Variants in JPT2 observed in about 807,000 individuals in gnomAD.
The protein encoded by JPT2 is CRAMP_1 like.
In JPT2, 9 loss-of-function variants were observed where a neutral mutation model predicts 15.9. The observed-to-expected ratio is 0.57, with a 90% CI of 0.34 to 0.99. The LOEUF is 0.99. JPT2 is among the 50% of genes least tolerant of loss of function. JPT2 has a pLI of 0.02. For missense variants in JPT2, 267 were observed against 252.1 expected, an observed-to-expected ratio of 1.06 and a Z score of -0.40; for synonymous variants, 95 against 91.7, an observed-to-expected ratio of 1.04 and a Z score of -0.21.
rs1409608913 is a variant in JPT2, at chr16:1,702,041, G to A, written c.*3043G>A. 4.6e-6 allele frequency: 2 copies of A among 438,320 alleles called. No homozygotes were observed. Among genetic ancestry groups the A allele is most frequent in the African/African-American group, 4.0e-5 (2 of 49,656 alleles). 27.2% of individuals were successfully genotyped at this position (438,320 alleles called of 1,614,324 possible). A position where few individuals can be genotyped will look rare whatever the true frequency, so the allele number is the denominator to read the frequency against. ...AGCCTGGACCACAGAGCAAGACCCT[G>A]TGTAAAAAAATAAAATAAAAAACAG... On this transcript the variant is annotated 3_prime_UTR_variant, in exon 5 of 5. Transcript: ENST00000248098.
In JPT2 at chr16:1,681,203, T is replaced by A. The variant is rs374013552; in HGVS notation, c.44+2847T>A. The stretch of plus-strand genomic sequence containing the variant: ...ACACTGCGCCATTGTTGTCGGGCTG[T>A]TTTTGTTGAAAGGTCTATTGAACGC... On this transcript the variant is annotated intron_variant, in intron 1 of 4. Transcript: ENST00000248098. Among the ~76,000 whole-genome samples, 27 of 152,266 alleles carry A rather than the reference T, an allele frequency of 1.8e-4. No homozygotes were observed. In the Middle Eastern group the frequency reaches 0.01, roughly 58 times the overall value.
chr16:1,691,380 A>C (rs1489747432), intron 2 of JPT2, among the ~76,000 whole-genome samples: 1 of 152,238 alleles, frequency 6.6e-6, no homozygotes, highest in Non-Finnish European at 1.5e-5. Flanking sequence ...TGACTAATAA[A>C]TATTTTCAGG....
chr16:1,690,823 A>G (rs1567470677), intron 2 of JPT2, among the ~76,000 whole-genome samples: 1 of 152,230 alleles, frequency 6.6e-6, no homozygotes, highest in Non-Finnish European at 1.5e-5. Context: ...ATTGCATAGA[A>G]AATAGAGTTG....
At chr16:1,679,957 G>T (rs1450236886) in intron 1 of JPT2, among the ~76,000 whole-genome samples, 1 of 152,000 alleles carries the variant, frequency 6.6e-6, no homozygotes, top group African/African-American at 2.4e-5. Flanking sequence ...TCCTTGAGAG[G>T]CTGAGGCAGG....
At chr16:1,680,247 A>T in intron 1 of JPT2, 1 of 790,630 alleles carries the variant, frequency 1.3e-6, no homozygotes, top group Non-Finnish European at 1.5e-6. Flanking sequence ...GTGTGCATTT[A>T]GTACGTTTCC....
chr16:1,685,169 A>G (rs1392048148), intron 1 of JPT2, among the ~76,000 whole-genome samples: 2 of 151,780 alleles, frequency 1.3e-5, no homozygotes, highest in Non-Finnish European at 2.9e-5. Context: ...TCTACCAAAA[A>G]TACAAAAAAT....
rs560640801 is a variant in JPT2 at position 1,701,023 on chromosome 16, T to G, written c.*2025T>G. 6.6e-6 allele frequency: 1 copy of G among 152,360 alleles called. No homozygotes were observed. Among genetic ancestry groups the G allele is most frequent in the African/African-American group, 2.4e-5 (1 of 41,564 alleles). 9.4% of individuals were successfully genotyped at this position (152,360 alleles called of 1,614,324 possible). On this transcript the variant is annotated 3_prime_UTR_variant, in exon 5 of 5. Coordinates refer to ENST00000248098, the MANE Select transcript of JPT2 (RefSeq NM_144570.3). ...TTACTCTTCTTGCATCTGTCCTGCCTTCTTTCCCTCTGCGAGGCAGTGGGG... is the reference window on the plus strand; with the variant it reads ...TTACTCTTCTTGCATCTGTCCTGCCGTCTTTCCCTCTGCGAGGCAGTGGGG...
intron 3 of JPT2, 114 bp from the exon 4 acceptor site, chr16:1,697,698 T>C: frequency 1.1e-6 from 1 of 914,996 alleles, no homozygotes; most frequent in South Asian, 1.5e-5. Context: ...TGAGGTCAGA[T>C]ATACAAGCAT....
At chr16:1,690,148 G>A (rs1160092665) in intron 2 of JPT2, 2 of 152,170 alleles carry the variant, frequency 1.3e-5, no homozygotes, top group African/African-American at 4.8e-5. Context: ...GTCCCAGAAA[G>A]CCACCCTGCT....
intron 1 of JPT2, among the ~76,000 whole-genome samples, chr16:1,682,672 CAA>C (rs531013322): frequency 3.3e-3 from 377 of 115,372 alleles, no homozygotes; most frequent in African/African-American, 0.012. Flanking sequence ...GATTTCGTCT[CAA>C]AAAAAAAAAA....
rs1042327388 is a variant in JPT2 at position 1,698,217 on chromosome 16, G to A, written c.385+357G>A. Among the ~76,000 whole-genome samples, 2 of 152,212 alleles carry A rather than the reference G, an allele frequency of 1.3e-5. No homozygotes were observed. Among genetic ancestry groups the A allele is most frequent in the Admixed American group, 1.3e-4 (2 of 15,288 alleles). ...GGGGCACAAGAGAGGGATGGAGGATGGGGAGGCGGGTGTCTCCATGGTGAG... is the reference window on the plus strand; with the variant it reads ...GGGGCACAAGAGAGGGATGGAGGATAGGGAGGCGGGTGTCTCCATGGTGAG... On this transcript the variant is annotated intron_variant, in intron 4 of 4. Transcript: ENST00000248098. The surrounding 1 kb of genome is among the most constrained non-coding windows in gnomAD (Gnocchi z 4.9).
chr16:1,678,333 C>G lies in JPT2; in HGVS notation c.21C>G (p.Ser7Arg), dbSNP rs759653499. 11 of 1,234,210 alleles carry G rather than the reference C, an allele frequency of 8.9e-6. No homozygotes were observed. Among genetic ancestry groups the G allele is most frequent in the Non-Finnish European group, 1.1e-5 (11 of 986,510 alleles). The allele number at this position is 1,234,210 out of a possible 1,614,324, so 76.5% of individuals were successfully genotyped here. MFQVPD[S>R]EGGRAGSRAM... The stretch of plus-strand genomic sequence containing the variant: ...TCGACATGTTCCAGGTCCCGGATAG[C>G]GAGGGCGGCCGCGCCGGCTCCAGGT... The change falls in exon 1 of 5, where the codon AGC becomes AGG. Residue 7 changes from serine to arginine, a missense_variant. By Grantham distance (110) the Ser-to-Arg change is moderately radical. Coordinates refer to ENST00000248098, the MANE Select transcript of JPT2 (RefSeq NM_144570.3).
intron 1 of JPT2, chr16:1,683,424 T>G (rs2037040213): frequency 1.1e-6 from 1 of 888,664 alleles, no homozygotes; most frequent in Non-Finnish European, 1.7e-6. Flanking sequence ...CCTTTCTCAT[T>G]TAAGCTTGGT....
At chr16:1,696,793 T>C (rs11863003) in intron 3 of JPT2, among the ~76,000 whole-genome samples, 21,473 of 152,138 alleles carry the variant, frequency 0.14, 2,386 homozygotes, top group African/African-American at 0.31. Context: ...TGCATGCCTG[T>C]TCGGATGGTG....
At chr16:1,680,639 G>A in intron 1 of JPT2, 1 of 376,750 alleles carries the variant, frequency 2.7e-6, no homozygotes, top group Non-Finnish European at 3.8e-6. Context: ...GTGGCTGTAA[G>A]ATTACCTAGC....
intron 1 of JPT2, among the ~76,000 whole-genome samples, chr16:1,681,792 A>T (rs199791515): frequency 6.6e-6 from 1 of 152,170 alleles, no homozygotes; most frequent in African/African-American, 2.4e-5. Context: ...GGCAGAGGAG[A>T]CAGGAGACTG....
Position 1,700,143 on chromosome 16 carries a change from A to G in JPT2, c.*1145A>G, listed in dbSNP as rs946123746. ...TGGAGGCCACCCTCTACAAAGCTTT[A>G]TAGAACTTCTGGATCTAACTCACAA... is the stretch of plus-strand genomic sequence containing the variant. On this transcript the variant is annotated 3_prime_UTR_variant, in exon 5 of 5. Coordinates refer to ENST00000248098, the MANE Select transcript of JPT2 (RefSeq NM_144570.3). The G allele has an allele frequency of 1.8e-5, 8 of 455,980 alleles. No homozygotes were observed. The highest frequency in any genetic ancestry group is 1.4e-4 in the Admixed American group (6 of 42,560). 28.2% of individuals were successfully genotyped at this position (455,980 alleles called of 1,614,324 possible).
At chr16:1,683,869 T>G (rs1416585951) in intron 1 of JPT2, among the ~76,000 whole-genome samples, 1 of 152,170 alleles carries the variant, frequency 6.6e-6, no homozygotes, top group Non-Finnish European at 1.5e-5. Context: ...GCCCTGTAAT[T>G]TCAAGTATGG....
chr16:1,699,198 G>T lies in JPT2; in HGVS notation c.*200G>T, dbSNP rs767281400. ...GATGGCTGGGAGATGCCTCTGTGGGGATGAAATGGGGCACCCCTGGCCATC... is the reference window on the plus strand; with the variant it reads ...GATGGCTGGGAGATGCCTCTGTGGGTATGAAATGGGGCACCCCTGGCCATC... On this transcript the variant is annotated 3_prime_UTR_variant, in exon 5 of 5. Transcript: ENST00000248098. 3.0e-6 allele frequency: 2 copies of T among 657,468 alleles called. No homozygotes were observed. Among genetic ancestry groups the T allele is most frequent in the South Asian group, 1.5e-5 (1 of 66,578 alleles). The allele number at this position is 657,468 out of a possible 1,614,324, so 40.7% of individuals were successfully genotyped here.
Sources: allele counts gnomAD v4.1 joint callset (sites outside exome capture counted in the v4.1 genomes callset), GRCh38; gene constraint gnomAD v4.1.1; non-coding constraint Gnocchi (gnomAD v3.1); transcripts MANE v1.5; gene names NCBI Gene and HGNC (gene_info 2026-07-23, HGNC 2026-07-21).